Variants in FCRL2 observed in about 807,000 individuals in gnomAD.
The protein encoded by FCRL2 is Fc receptor like 2, also known as Fc receptor-like protein 2.
In FCRL2, 48 loss-of-function variants were observed where a neutral mutation model predicts 59.8. That is an observed-to-expected ratio of 0.80 (90% CI 0.64 to 1.02). FCRL2 has a LOEUF of 1.02. FCRL2 is among the 50% of genes least tolerant of loss of function. The pLI, the probability that FCRL2 is intolerant of heterozygous loss-of-function variation, is 0.00. For missense variants in FCRL2, 658 were observed against 597.3 expected, an observed-to-expected ratio of 1.10 and a Z score of -1.06; for synonymous variants, 251 against 229.5, an observed-to-expected ratio of 1.09 and a Z score of -0.85.
At chr1:157,750,947 A>C (rs1571251451) in intron 7 of FCRL2, among the ~76,000 whole-genome samples, 1 of 152,340 alleles carries the variant, frequency 6.6e-6, no homozygotes, top group East Asian at 1.9e-4. Context: ...ACATGGTACA[A>C]ATAATATTCC....
In FCRL2 at chr1:157,767,240, A is replaced by C. The variant is rs577843112; in HGVS notation, c.1153T>G (p.Ser385Ala). 4.3e-6 allele frequency: 7 copies of C among 1,611,974 alleles called. No individual in the cohort carries two copies. The Admixed American group carries it at 1.0e-4, about 23-fold the overall frequency. The change falls in exon 6 of 12, where the codon TCC becomes GCC. Residue 385 changes from serine to alanine, a missense_variant. By Grantham distance (99) the Ser-to-Ala change is moderately conservative. Transcript: ENST00000361516. ...GAQCSEAVPV[S>A]ISGPDGYRRD... ...GGTAACACCCACCCACCTGAGATGG[A>C]GACTGGCACTGCCTCACTGCACTGG...
rs765322428 is a variant in FCRL2 at position 157,756,348 on chromosome 1, G to C, written c.1280-6671C>G. Among the ~76,000 whole-genome samples the C allele has an allele frequency of 2.0e-5, 3 of 152,282 alleles. No individual in the cohort carries two copies. In the East Asian group the frequency reaches 5.8e-4, roughly 29 times the overall value. ...AATTAAGTCATCTACTTGAAAGAAA[G>C]AATTGTCTTAAGTGAAACTCACCAT... On this transcript the variant is annotated intron_variant, in intron 7 of 11. Coordinates refer to ENST00000361516, the MANE Select transcript of FCRL2 (RefSeq NM_030764.4).
chr1:157,746,908 G>T lies in FCRL2; in HGVS notation c.1460-9C>A, dbSNP rs560338441. The T allele has an allele frequency of 1.2e-6, 2 of 1,612,740 alleles. No individual in the cohort carries two copies. Among genetic ancestry groups the T allele is most frequent in the Non-Finnish European group, 8.5e-7 (1 of 1,179,950 alleles). On this transcript the variant is annotated splice_polypyrimidine_tract_variant and intron_variant, in intron 10 of 11. Coordinates refer to ENST00000361516, the MANE Select transcript of FCRL2 (RefSeq NM_030764.4). The stretch of plus-strand genomic sequence containing the variant: ...AAGTGTCCTGATGTTTGCTGTTAAG[G>T]AAAAAGTAATAGTTCTGAGCTCTTG...
At chr1:157,754,033 T>A (rs1648398574) in intron 7 of FCRL2, among the ~76,000 whole-genome samples, 1 of 131,514 alleles carries the variant, frequency 7.6e-6, no homozygotes, top group Admixed American at 8.0e-5. Flanking sequence ...AAAAAAAGAT[T>A]AGATTCTAGT....
At chr1:157,753,796 C>G (rs898612093) in intron 7 of FCRL2, among the ~76,000 whole-genome samples, 1 of 152,038 alleles carries the variant, frequency 6.6e-6, no homozygotes, top group Non-Finnish European at 1.5e-5. Flanking sequence ...TGAAGCTATC[C>G]AGGAGCCCCT....
Position 157,769,716 on chromosome 1 carries a change from C to T in FCRL2, c.595+150G>A, listed in dbSNP as rs577518297. The T allele has an allele frequency of 2.5e-5, 22 of 877,052 alleles. 2 individuals carry two copies. The East Asian group carries it at 5.1e-4, about 20-fold the overall frequency. The allele number at this position is 877,052 out of a possible 1,614,324, so 54.3% of individuals were successfully genotyped here. A position where few individuals can be genotyped will look rare whatever the true frequency, so the allele number is the denominator to read the frequency against. On this transcript the variant is annotated intron_variant, in intron 4 of 11. Transcript: ENST00000361516. ...TGCTGGGATTACAGGCGTGAGCCACCGCGCCCGGCCGCAACCTGGAGGGTT... is the reference window on the plus strand; with the variant it reads ...TGCTGGGATTACAGGCGTGAGCCACTGCGCCCGGCCGCAACCTGGAGGGTT...
Position 157,746,789 on chromosome 1 carries a change from C to G in FCRL2, c.1489-15G>C. On this transcript the variant is annotated splice_polypyrimidine_tract_variant and intron_variant, in intron 11 of 11. Coordinates refer to ENST00000361516, the MANE Select transcript of FCRL2 (RefSeq NM_030764.4). The stretch of plus-strand genomic sequence containing the variant: ...ACTTGGGAGTCCTGGGAGAGACACA[C>G]AGGAATAAAGACTGAGGTGATCAAG... 2 of 1,613,810 alleles carry G rather than the reference C, an allele frequency of 1.2e-6. No individual in the cohort carries two copies. Among genetic ancestry groups the G allele is most frequent in the Non-Finnish European group, 1.7e-6 (2 of 1,179,842 alleles).
chr1:157,770,113 G>A lies in FCRL2; in HGVS notation c.348C>T (p.Phe116=), dbSNP rs1234289796. The part of the protein sequence containing the change: ...FQRPVLTASS[F]QPIEGGPVSL... ...TCACTGGACCCCCTTCGATGGGCTGGAAGGAGCTGGCAGTCAGCACAGGAC... is the reference window on the plus strand; with the variant it reads ...TCACTGGACCCCCTTCGATGGGCTGAAAGGAGCTGGCAGTCAGCACAGGAC... Residue 116 remains phenylalanine (F), a synonymous_variant, in exon 4 of 12, where the codon TTC becomes TTT. Transcript: ENST00000361516. 4 of 1,614,154 alleles carry A rather than the reference G, an allele frequency of 2.5e-6. No homozygotes were observed. In the African/African-American group the frequency reaches 5.3e-5, roughly 22 times the overall value.
rs1479930133 is a variant in FCRL2, at chr1:157,770,542, A to G, written c.177T>C (p.Ser59=). Residue 59 remains serine (S), a synonymous_variant, in exon 3 of 12, where the codon TCT becomes TCC. Transcript: ENST00000361516. ...MAYHKDNKEL[S]VFKKFSDFLI... ...GGAAATCTGAGAATTTTTTGAAAAC[A>G]GATAACTCTTTGTTATCCTTATGGT... is the stretch of plus-strand genomic sequence containing the variant. The G allele has an allele frequency of 1.2e-6, 2 of 1,614,244 alleles. No individual in the cohort carries two copies. The highest frequency in any genetic ancestry group is 2.2e-5 in the South Asian group (2 of 91,084).
rs139721748 is a variant in FCRL2, at chr1:157,775,200, A to G, written c.52+575T>C. On this transcript the variant is annotated intron_variant, in intron 2 of 11. Coordinates refer to ENST00000361516, the MANE Select transcript of FCRL2 (RefSeq NM_030764.4). ...CACAGCCATCCTCATTCGTTTACAT[A>G]TGGTCTATGGTTGTTTTCCTGCTAC... 7.9e-5 allele frequency among the ~76,000 whole-genome samples: 12 copies of G among 152,274 alleles called. No individual in the cohort carries two copies. In the East Asian group the frequency reaches 2.3e-3, roughly 29 times the overall value.
Position 157,769,851 on chromosome 1 carries a change from C to G in FCRL2, c.595+15G>C. The stretch of plus-strand genomic sequence containing the variant: ...CTATCTTTTTTTCTCCAGGCTCAGC[C>G]TCACTGATACTTGCTCTGCACGTGA... On this transcript the variant is annotated intron_variant, in intron 4 of 11. Coordinates refer to ENST00000361516, the MANE Select transcript of FCRL2 (RefSeq NM_030764.4). 6.2e-7 allele frequency: 1 copy of G among 1,610,114 alleles called. No individual in the cohort carries two copies. The highest frequency in any genetic ancestry group is 8.5e-7 in the Non-Finnish European group (1 of 1,176,900).
At chr1:157,773,710 T>C (rs541055143) in intron 2 of FCRL2, among the ~76,000 whole-genome samples, 17 of 152,324 alleles carry the variant, frequency 1.1e-4, no homozygotes, top group African/African-American at 2.9e-4. Flanking sequence ...CTGGCTGTCA[T>C]TGTGGTGCAA....
In FCRL2 at chr1:157,746,194, A is replaced by T. The variant is rs1468400185; in HGVS notation, c.*542T>A. ...AACTGGTACCAATCCTGCTGAAACT[A>T]TGCCAAAAAATCAAGGAGGAAGGGC... On this transcript the variant is annotated 3_prime_UTR_variant, in exon 12 of 12. Coordinates refer to ENST00000361516, the MANE Select transcript of FCRL2 (RefSeq NM_030764.4). 6.5e-6 allele frequency: 1 copy of T among 153,730 alleles called. No individual in the cohort carries two copies. Among genetic ancestry groups the T allele is most frequent in the African/African-American group, 2.4e-5 (1 of 41,470 alleles). The allele number at this position is 153,730 out of a possible 1,614,324, so 9.5% of individuals were successfully genotyped here.
At chr1:157,760,218 T>C (rs994875154) in intron 7 of FCRL2, among the ~76,000 whole-genome samples, 7 of 152,190 alleles carry the variant, frequency 4.6e-5, no homozygotes, top group African/African-American at 1.4e-4. Context: ...ATGTTCTCAC[T>C]GATATGTGAG....
intron 7 of FCRL2, among the ~76,000 whole-genome samples, chr1:157,760,695 GAAGGAAAGAAAGAAA>G (rs1557860353): frequency 3.4e-4 from 42 of 121,968 alleles, no homozygotes; most frequent in African/African-American, 1.4e-3. Context: ...AAGAAAGAAA[GAAGGAAAGAAAGAAA>G]GAAAGAAAGA....
chr1:157,754,381 TG>T (rs2101683392), intron 7 of FCRL2, among the ~76,000 whole-genome samples: 1 of 152,312 alleles, frequency 6.6e-6, no homozygotes, highest in African/African-American at 2.4e-5. Flanking sequence ...TTATCCAATA[TG>T]GTCTAAAAAG....
chr1:157,776,161 G>A (rs1269177233), intron 1 of FCRL2, among the ~76,000 whole-genome samples: 2 of 152,184 alleles, frequency 1.3e-5, no homozygotes, highest in African/African-American at 4.8e-5. Context: ...GGGCTCATCA[G>A]GAAACATACA....
At chr1:157,760,215 C>A (rs1648912669) in intron 7 of FCRL2, among the ~76,000 whole-genome samples, 1 of 152,162 alleles carries the variant, frequency 6.6e-6, no homozygotes, top group African/African-American at 2.4e-5. Context: ...CACATGTTCT[C>A]ACTGATATGT....
At chr1:157,769,738 G>A in intron 4 of FCRL2, 128 bp downstream of exon 4, 1 of 1,226,638 alleles carries the variant, frequency 8.2e-7, no homozygotes, top group Non-Finnish European at 1.1e-6. Context: ...CAACCTGGAG[G>A]GTTTTTCTAG....
Sources: allele counts gnomAD v4.1 joint callset (sites outside exome capture counted in the v4.1 genomes callset), GRCh38; gene constraint gnomAD v4.1.1; transcripts MANE v1.5; gene names NCBI Gene and HGNC (gene_info 2026-07-23, HGNC 2026-07-21).